Variants in ROR1 observed in about 807,000 individuals in gnomAD.
ROR1 encodes ROR family WNT receptor 1, also known as inactive tyrosine-protein kinase transmembrane receptor ROR1.
ROR1 carries 19 observed loss-of-function variants against 78.8 expected under a neutral mutation model. The observed-to-expected ratio is 0.24, with a 90% CI of 0.17 to 0.35. ROR1 has a LOEUF of 0.35. ROR1 is among the 10% of genes least tolerant of loss of function. The probability of loss-of-function intolerance (pLI) is 1.00; values close to 1 mark genes in which losing one functional copy is unlikely to be tolerated. For synonymous variants in ROR1, 386 were observed against 433.6 expected, an observed-to-expected ratio of 0.89 and a Z score of 1.36; for missense variants, 917 against 1,177.8, an observed-to-expected ratio of 0.78 and a Z score of 3.24.
At chr1:63,890,083 T>C (rs1645383654) in intron 1 of ROR1, among the ~76,000 whole-genome samples, 1 of 147,888 alleles carries the variant, frequency 6.8e-6, no homozygotes, top group South Asian at 2.1e-4. Context: ...CTTCCTGTCG[T>C]GACCTACTTA....
intron 7 of ROR1, among the ~76,000 whole-genome samples, chr1:64,150,098 C>A (rs1026471759): frequency 6.6e-6 from 1 of 152,130 alleles, no homozygotes; most frequent in Non-Finnish European, 1.5e-5. Context: ...CTTTGTTTTA[C>A]CCTTGATCAA....
chr1:64,118,647 AAAAAAAAAAAAAAAG>A, intron 4 of ROR1, among the ~76,000 whole-genome samples: 1 of 150,534 alleles, frequency 6.6e-6, no homozygotes, highest in African/African-American at 2.4e-5. Context: ...AAAAAAAAAA[AAAAAAAAAAAAAAAG>A]AATTAGATGG....
At chr1:63,940,533 A>ATAGT (rs1557573358) in intron 1 of ROR1, among the ~76,000 whole-genome samples, 9 of 150,792 alleles carry the variant, frequency 6.0e-5, no homozygotes, top group African/African-American at 1.7e-4. Flanking sequence ...AGATAGATAG[A>ATAGT]TAGATAGATA....
At chr1:64,142,867 A>G in intron 7 of ROR1, 1 of 1,390,964 alleles carries the variant, frequency 7.2e-7, no homozygotes. Context: ...TTATACCTGC[A>G]GCCATTGCAC....
At chr1:64,115,697 A>C (rs1430479602) in intron 4 of ROR1, among the ~76,000 whole-genome samples, 1 of 152,034 alleles carries the variant, frequency 6.6e-6, no homozygotes, top group Non-Finnish European at 1.5e-5. Flanking sequence ...CTTTTGCTCT[A>C]TCTCTATTCC....
At chr1:63,877,397 A>G (rs1450345335) in intron 1 of ROR1, among the ~76,000 whole-genome samples, 1 of 152,200 alleles carries the variant, frequency 6.6e-6, no homozygotes, top group Non-Finnish European at 1.5e-5. Context: ...TGGGGATCAT[A>G]ACGCACATCA....
chr1:64,071,157 C>T (rs563486710), intron 4 of ROR1, among the ~76,000 whole-genome samples: 65 of 152,286 alleles, frequency 4.3e-4, no homozygotes, highest in Middle Eastern at 3.4e-3. Flanking sequence ...CGAGCAGGAG[C>T]TACGCGTTAC....
intron 1 of ROR1, among the ~76,000 whole-genome samples, chr1:63,866,572 G>A (rs1645216689): frequency 6.6e-6 from 1 of 152,184 alleles, no homozygotes; most frequent in South Asian, 2.1e-4. Flanking sequence ...GGAGAAGAAA[G>A]CTTTCCTCCT....
intron 1 of ROR1, among the ~76,000 whole-genome samples, chr1:63,817,583 A>G (rs1644899927): frequency 6.6e-6 from 1 of 152,196 alleles, no homozygotes; most frequent in Non-Finnish European, 1.5e-5. Flanking sequence ...GCTCTGGTAC[A>G]TAGATTAAAG....
Position 63,966,226 on chromosome 1 carries a change from C to T in ROR1, c.92-43079C>T, listed in dbSNP as rs186531331. ...ATAATATGCTCAGCAATTGGAGATG[C>T]CGCTCTCTTGGTTCAGTTACTCAGA... On this transcript the variant is annotated intron_variant, in intron 1 of 8. Transcript: ENST00000371079. Among the ~76,000 whole-genome samples the T allele has an allele frequency of 3.5e-4, 54 of 152,296 alleles. 1 individual carries two copies. Among genetic ancestry groups the T allele is most frequent in the Non-Finnish European group, 1.9e-4 (13 of 68,038 alleles).
intron 1 of ROR1, among the ~76,000 whole-genome samples, chr1:63,900,417 G>A (rs994676202): frequency 7.4e-6 from 1 of 135,864 alleles, no homozygotes; most frequent in African/African-American, 2.7e-5. Context: ...TGGTGGCGTT[G>A]CACTCCAGCC....
intron 1 of ROR1, among the ~76,000 whole-genome samples, chr1:63,996,840 T>C (rs942112019): frequency 2.0e-5 from 3 of 151,806 alleles, no homozygotes; most frequent in African/African-American, 7.3e-5. Context: ...CAGGATTGGG[T>C]GAGGAGAGAT....
At chr1:64,107,511 C>T (rs1647872300) in intron 4 of ROR1, among the ~76,000 whole-genome samples, 1 of 152,140 alleles carries the variant, frequency 6.6e-6, no homozygotes, top group African/African-American at 2.4e-5. Flanking sequence ...GATCATTATG[C>T]AGTACCTATT....
chr1:64,030,894 T>C (rs1646654856), intron 2 of ROR1, among the ~76,000 whole-genome samples: 1 of 152,156 alleles, frequency 6.6e-6, no homozygotes, highest in South Asian at 2.1e-4. Context: ...TGTGTGTACA[T>C]ATGTATGTGT....
intron 7 of ROR1, among the ~76,000 whole-genome samples, chr1:64,144,841 T>G (rs1318403535): frequency 2.6e-5 from 4 of 152,126 alleles, no homozygotes; most frequent in African/African-American, 9.7e-5. Context: ...GTAAAAGCAG[T>G]TTATTGTAAT....
intron 6 of ROR1, 106 bp from the exon 7 acceptor site, chr1:64,142,299 A>G: frequency 5.3e-6 from 8 of 1,505,294 alleles, no homozygotes; most frequent in Non-Finnish European, 7.1e-6. Flanking sequence ...AGCTGTGGCC[A>G]CGAGGTTAAT....
intron 2 of ROR1, among the ~76,000 whole-genome samples, chr1:64,013,472 T>C (rs1646493503): frequency 6.6e-6 from 1 of 152,174 alleles, no homozygotes; most frequent in Non-Finnish European, 1.5e-5. Context: ...AAACATACCA[T>C]TCTCTTTCCA....
intron 1 of ROR1, among the ~76,000 whole-genome samples, chr1:63,858,346 CA>C (rs1266430162): frequency 3.3e-5 from 5 of 152,124 alleles, no homozygotes; most frequent in African/African-American, 1.2e-4. Context: ...ATCTATGGCC[CA>C]GACTGGGGGT....
At chr1:64,010,533 T>G (rs1246308963) in intron 2 of ROR1, among the ~76,000 whole-genome samples, 1 of 152,174 alleles carries the variant, frequency 6.6e-6, no homozygotes, top group African/African-American at 2.4e-5. Flanking sequence ...AGTTTCTACT[T>G]TAGTTCAGGC....
Sources: gnomAD v4.1 joint callset for allele counts (sites outside exome capture counted in the v4.1 genomes callset) on GRCh38, gnomAD v4.1.1 for gene constraint, MANE v1.5 for transcripts, NCBI Gene and HGNC (gene_info 2026-07-23, HGNC 2026-07-21) for gene names.